The following PARP14 variants were observed in gnomAD, a reference collection of about 807,000 sequenced individuals.
PARP14 encodes protein mono-ADP-ribosyltransferase PARP14.
In PARP14, 59 loss-of-function variants were observed where a neutral mutation model predicts 154.2. That is an observed-to-expected ratio of 0.38 (90% confidence interval 0.31 to 0.48). The LOEUF (loss-of-function observed/expected upper bound fraction) is 0.48. Among genes scored for constraint, PARP14 ranks in the 20% least tolerant of loss-of-function variants. The pLI is 0.98. For missense variants in PARP14, 1,734 were observed against 2,131.6 expected (o/e 0.81, Z 3.67); for synonymous variants, 720 against 780.5 (o/e 0.92, Z 1.29).
chr3:122,687,390 A>T (rs1485893400), intron 3 of PARP14, among the ~76,000 whole-genome samples: 2 of 152,196 alleles, frequency 1.3e-5, no homozygotes, highest in Non-Finnish European at 2.9e-5. Flanking sequence ...AGAGCTGGGG[A>T]TGAGCTGATC....
chr3:122,697,105 A>G (rs1381117524), intron 5 of PARP14, among the ~76,000 whole-genome samples: 1 of 152,024 alleles, frequency 6.6e-6, no homozygotes, highest in Non-Finnish European at 1.5e-5. Flanking sequence ...GGTGCATGCC[A>G]CCATACCCAG....
At chr3:122,714,163 TC>T in intron 11 of PARP14, 98 bp from the exon 12 acceptor site, 1 of 1,046,338 alleles carries the variant, frequency 9.6e-7, no homozygotes, top group South Asian at 1.6e-5. Context: ...TTTTTTTTTT[TC>T]ACAAAATGCT....
Position 122,680,925 on chromosome 3 carries a change from C to T in PARP14, c.42C>T (p.Ser14=), listed in dbSNP as rs1246501750. 4.3e-6 allele frequency: 7 copies of T among 1,612,254 alleles called. No homozygotes were observed. The Admixed American group carries it at 8.4e-5, about 19-fold the overall frequency. ...PGSFPLLVEG[S]WGPDPPKNLN... ...CCTTCCCGCTGCTGGTCGAGGGCTC[C>T]TGGGGCCCCGACCCCCCGAAGAACT... The change falls in exon 1 of 17, where the codon TCC becomes TCT. Residue 14 remains serine, a synonymous_variant. Coordinates refer to ENST00000474629, the MANE Select transcript of PARP14 (RefSeq NM_017554.3).
At position 122,724,460 on chromosome 3, in the gene PARP14, ATTTTTTT is replaced by A. The variant is rs956215914; in HGVS notation, c.4942-3336_4942-3330del. On this transcript the variant is annotated intron_variant, in intron 15 of 16. Coordinates refer to ENST00000474629, the MANE Select transcript of PARP14 (RefSeq NM_017554.3). ...GCTACAGGCACATGCCACCACGCCT[ATTTTTTT>A]TTTTTTTTTTTTTTTGTAGAGATGG... Among the ~76,000 whole-genome samples, 187 of 102,008 alleles carry A rather than the reference ATTTTTTT, an allele frequency of 1.8e-3. 1 individual carries two copies. Among genetic ancestry groups the A allele is most frequent in the African/African-American group, 6.5e-3 (165 of 25,304 alleles). 66.9% of individuals were successfully genotyped at this position (102,008 alleles called of 152,430 possible).
Position 122,701,718 on chromosome 3 carries a change from A to G in PARP14, c.3081+83A>G. 4.0e-6 allele frequency: 4 copies of G among 1,003,218 alleles called. No homozygotes were observed. The highest frequency in any genetic ancestry group is 5.8e-6 in the Non-Finnish European group (4 of 689,780). 62.1% of individuals were successfully genotyped at this position (1,003,218 alleles called of 1,614,324 possible). On this transcript the variant is annotated intron_variant, in intron 6 of 16. Coordinates refer to ENST00000474629, the MANE Select transcript of PARP14 (RefSeq NM_017554.3). The surrounding 1 kb of genome is among the most constrained non-coding windows in gnomAD (Gnocchi z 4.0). ...CTCTCTCATGGAGGGCTGAAGAAAG[A>G]TAAGGACCAAGGTGAGAATCAAGGG...
chr3:122,680,887 G>T lies in PARP14; in HGVS notation c.4G>T (p.Ala2Ser), dbSNP rs377430703. Residue 2 changes from alanine (A) to serine (S), a missense_variant, in exon 1 of 17, where the codon GCT becomes TCT. By Grantham distance (99) the Ala-to-Ser change is moderately conservative. Coordinates refer to ENST00000474629, the MANE Select transcript of PARP14 (RefSeq NM_017554.3). M[A>S]VPGSFPLLVE... ...CCGGCGGAGAGCGGAGCTGAGGATG[G>T]CTGTGCCCGGCTCCTTCCCGCTGCT... is the stretch of plus-strand genomic sequence containing the variant. The T allele has an allele frequency of 1.2e-6, 2 of 1,602,560 alleles. No homozygotes were observed. Among genetic ancestry groups the T allele is most frequent in the South Asian group, 1.1e-5 (1 of 89,296 alleles).
At chr3:122,711,504 G>T (rs145947272) in intron 9 of PARP14, among the ~76,000 whole-genome samples, 6 of 152,224 alleles carry the variant, frequency 3.9e-5, no homozygotes, top group East Asian at 1.9e-4. Flanking sequence ...TTTTGTCAAA[G>T]ATTTTTGCAT....
At chr3:122,705,402 C>T (rs761417797) in intron 8 of PARP14, among the ~76,000 whole-genome samples, 1 of 152,190 alleles carries the variant, frequency 6.6e-6, no homozygotes, top group Non-Finnish European at 1.5e-5. Flanking sequence ...AAAGCACAGT[C>T]TGGCCTTATC....
At chr3:122,704,804 A>G (rs1229948393) in intron 8 of PARP14, 56 bp downstream of exon 8, 1 of 984,862 alleles carries the variant, frequency 1.0e-6, no homozygotes, top group East Asian at 2.6e-5. Context: ...TGTTTTTTCA[A>G]ATGTCTTTTT....
chr3:122,698,261 A>AT (rs1190927805), intron 5 of PARP14, among the ~76,000 whole-genome samples: 1 of 152,218 alleles, frequency 6.6e-6, no homozygotes, highest in Non-Finnish European at 1.5e-5. Flanking sequence ...AGGTGAAGTT[A>AT]TTTTTAACAT....
Position 122,718,186 on chromosome 3 carries a change from G to A in PARP14, c.4116G>A (p.Leu1372=), listed in dbSNP as rs201050912. 2 of 1,613,520 alleles carry A rather than the reference G, an allele frequency of 1.2e-6. No homozygotes were observed. Among genetic ancestry groups the A allele is most frequent in the Non-Finnish European group, 1.7e-6 (2 of 1,179,600 alleles). Reference sequence around the variant, plus strand: ...AAAAAGTTAAAGTTGTTATCTTTCTGCCTCAAGTACTGGATGTGTTTTATG... The same window carrying A: ...AAAAAGTTAAAGTTGTTATCTTTCTACCTCAAGTACTGGATGTGTTTTATG... ...SVKKVKVVIF[L]PQVLDVFYAN... The change falls in exon 13 of 17, where the codon CTG becomes CTA. Residue 1372 remains leucine (L), a synonymous_variant. Transcript: ENST00000474629.
intron 15 of PARP14, 60 bp downstream of exon 15, chr3:122,720,448 A>C (rs1576601624): frequency 6.6e-7 from 1 of 1,514,034 alleles, no homozygotes; most frequent in Middle Eastern, 1.7e-4. Flanking sequence ...TCATGGTCCT[A>C]TATAAAATCC....
intron 9 of PARP14, among the ~76,000 whole-genome samples, chr3:122,708,856 G>C (rs2107648557): frequency 6.6e-6 from 1 of 151,630 alleles, no homozygotes; most frequent in East Asian, 1.9e-4. Flanking sequence ...TTTCTCTCTT[G>C]TTCTTCAGAT....
Position 122,703,794 on chromosome 3 carries a change from C to T in PARP14, c.3134C>T (p.Pro1045Leu), listed in dbSNP as rs1355760357. The T allele has an allele frequency of 1.9e-6, 3 of 1,613,842 alleles. No homozygotes were observed. The highest frequency in any genetic ancestry group is 3.3e-5 in the Admixed American group (2 of 60,002). ...VPLDLVLSRG[P>L]LSKSLLEKAG... is the part of the protein sequence containing the mutation. ...TTGGATCTCGTGCTTAGTAGAGGGC[C>T]TCTTTCTAAGTCCCTCTTGGAAAAA... Residue 1045 changes from proline (P) to leucine (L), a missense_variant, in exon 7 of 17, where the codon CCT becomes CTT. This residue lies in a region of PARP14 where 1,646 missense variants were observed against 1,976.0 expected (regional missense o/e 0.83). Transcript: ENST00000474629.
intron 12 of PARP14, among the ~76,000 whole-genome samples, chr3:122,717,129 G>A (rs1933021460): frequency 6.6e-6 from 1 of 152,204 alleles, no homozygotes; most frequent in Non-Finnish European, 1.5e-5. Flanking sequence ...TTTATGTGGG[G>A]TTGTCTACAT....
rs542135281 is a variant in PARP14 at position 122,701,556 on chromosome 3, C to T, written c.3002C>T (p.Thr1001Ile). Residue 1001 changes from threonine (T) to isoleucine (I), a missense_variant, in exon 6 of 17, where the codon ACA becomes ATA. This residue lies in a region of PARP14 where 1,646 missense variants were observed against 1,976.0 expected (regional missense o/e 0.83). Coordinates refer to ENST00000474629, the MANE Select transcript of PARP14 (RefSeq NM_017554.3). This position sits in a 1 kb window ranked among gnomAD's most constrained non-coding sequence, Gnocchi z 4.0. ...CCAGCAGCAGCGGGGCCTGGGAAAA[C>T]ATCATGGGAAAAAGGAAGCCTGGTG... is the stretch of plus-strand genomic sequence containing the variant. ...LPPAAAGPGKTSWEKGSLVSP... is the reference protein window; with the variant it reads ...LPPAAAGPGKISWEKGSLVSP... 2 of 1,610,380 alleles carry T rather than the reference C, an allele frequency of 1.2e-6. No homozygotes were observed. The highest frequency in any genetic ancestry group is 1.7e-6 in the Non-Finnish European group (2 of 1,178,046).
chr3:122,684,918 T>C (rs1481445967), intron 1 of PARP14, among the ~76,000 whole-genome samples: 1 of 152,226 alleles, frequency 6.6e-6, no homozygotes, highest in Non-Finnish European at 1.5e-5. Flanking sequence ...ACAGTCTCCA[T>C]TAACCTTACA....
chr3:122,686,005 C>A (rs930795569), intron 2 of PARP14, among the ~76,000 whole-genome samples: 1 of 151,952 alleles, frequency 6.6e-6, no homozygotes, highest in African/African-American at 2.4e-5. Context: ...AGTATTACCC[C>A]AATTGTAAAA....
chr3:122,688,527 T>G (rs17270460), intron 3 of PARP14, among the ~76,000 whole-genome samples: 9,120 of 152,236 alleles, frequency 0.06, 317 homozygotes, highest in Middle Eastern at 0.088. Context: ...CAGCTAGGAA[T>G]TTGGGTTGTC....
Sources: gnomAD v4.1 joint callset for allele counts (sites outside exome capture counted in the v4.1 genomes callset) on GRCh38, gnomAD v4.1.1 for gene constraint, gnomAD v4.1.1 regional missense constraint, Gnocchi (gnomAD v3.1) non-coding constraint, MANE v1.5 for transcripts, NCBI Gene and HGNC (gene_info 2026-07-23, HGNC 2026-07-21) for gene names.